The following RBFOX3 variants were observed in gnomAD, a reference collection of about 807,000 sequenced individuals.
RBFOX3 encodes the protein RNA binding fox-1 homolog 3.
Under a neutral mutation model 48.7 loss-of-function variants are expected in RBFOX3, and 17 were observed. The observed-to-expected ratio is 0.35, with a 90% CI of 0.24 to 0.52. The LOEUF (loss-of-function observed/expected upper bound fraction) is 0.52. Among genes scored for constraint, RBFOX3 ranks in the 20% least tolerant of loss-of-function variants. The pLI is 0.94. For synonymous variants in RBFOX3, 212 were observed against 209.5 expected (o/e 1.01, Z -0.10); for missense variants, 382 against 497.5 (o/e 0.77, Z 2.21).
chr17:79,396,955 T>C (rs962745412), intron 2 of RBFOX3, among the ~76,000 whole-genome samples: 2 of 152,120 alleles, frequency 1.3e-5, no homozygotes, highest in Non-Finnish European at 2.9e-5. Context: ...AACGAACCCC[T>C]GTCACAGCGG....
At position 79,252,807 on chromosome 17, in the gene RBFOX3, G is replaced by C. The variant is rs1455441884; in HGVS notation, c.-73-17002C>G. Among the ~76,000 whole-genome samples the C allele has an allele frequency of 6.6e-6, 1 of 152,166 alleles. No homozygotes were observed. The highest frequency in any genetic ancestry group is 6.5e-5 in the Admixed American group (1 of 15,276). On this transcript the variant is annotated intron_variant, in intron 3 of 14. Coordinates refer to ENST00000693108, the MANE Select transcript of RBFOX3 (RefSeq NM_001350451.2). This position sits in a 1 kb window ranked among gnomAD's most constrained non-coding sequence, Gnocchi z 4.0. ...TCCTTTTTGGGTCTTCATGTCCACA[G>C]AGAGTGAGGCGTGGACCCAGGCTTT...
chr17:79,194,287 G>T (rs999682719), intron 4 of RBFOX3, among the ~76,000 whole-genome samples: 1 of 152,200 alleles, frequency 6.6e-6, no homozygotes, highest in South Asian at 2.1e-4. Flanking sequence ...CGAGCAAGGG[G>T]GTTCTGCCAG....
chr17:79,431,566 C>A (rs1330219770), intron 2 of RBFOX3, among the ~76,000 whole-genome samples: 2 of 148,008 alleles, frequency 1.4e-5, no homozygotes, highest in Non-Finnish European at 3.0e-5. Context: ...CTCACTGCAA[C>A]CTCTGCCTCC....
chr17:79,156,865 C>G (rs2045923548), intron 4 of RBFOX3, among the ~76,000 whole-genome samples: 1 of 152,156 alleles, frequency 6.6e-6, no homozygotes, highest in Non-Finnish European at 1.5e-5. Context: ...TCTCAGGAGT[C>G]CCGGGAGGAA....
chr17:79,443,385 T>G lies in RBFOX3; in HGVS notation c.-175+39069A>C, dbSNP rs2071555957. ...ATGCACACTCACATACACCCTTGCC[T>G]CTTTTTTTTTTCTTTTGAGACAGTC... On this transcript the variant is annotated intron_variant, in intron 2 of 14. Coordinates refer to ENST00000693108, the MANE Select transcript of RBFOX3 (RefSeq NM_001350451.2). This position sits in a 1 kb window ranked among gnomAD's most constrained non-coding sequence, Gnocchi z 4.4. Among the ~76,000 whole-genome samples, 1 of 151,166 alleles carries G rather than the reference T, an allele frequency of 6.6e-6. No individual in the cohort carries two copies. Among genetic ancestry groups the G allele is most frequent in the Non-Finnish European group, 1.5e-5 (1 of 67,824 alleles).
intron 2 of RBFOX3, among the ~76,000 whole-genome samples, chr17:79,462,363 G>A (rs2075483270): frequency 6.6e-6 from 1 of 152,300 alleles, no homozygotes; most frequent in Non-Finnish European, 1.5e-5. Flanking sequence ...TCTTCTGTAG[G>A]GTGGAAAGAA....
intron 1 of RBFOX3, among the ~76,000 whole-genome samples, chr17:79,519,773 T>TGA (rs1222280503): frequency 1.3e-5 from 2 of 152,152 alleles, no homozygotes; most frequent in Non-Finnish European, 2.9e-5. Context: ...TCTCCATGAC[T>TGA]GAGACCCAGT....
chr17:79,499,076 G>A (rs143062846), intron 1 of RBFOX3, among the ~76,000 whole-genome samples: 2 of 140,790 alleles, frequency 1.4e-5, no homozygotes, highest in Non-Finnish European at 3.1e-5. Flanking sequence ...ACCCATCCAT[G>A]TACTCACTCA....
At chr17:79,165,696 G>A (rs1368582665) in intron 4 of RBFOX3, among the ~76,000 whole-genome samples, 1 of 152,220 alleles carries the variant, frequency 6.6e-6, no homozygotes, top group African/African-American at 2.4e-5. Context: ...CTTCAGACCT[G>A]CACAAGGGCT....
At chr17:79,431,893 A>T (rs2068529969) in intron 2 of RBFOX3, among the ~76,000 whole-genome samples, 1 of 152,206 alleles carries the variant, frequency 6.6e-6, no homozygotes, top group Non-Finnish European at 1.5e-5. Flanking sequence ...GCCACCTTCC[A>T]TCTCCAGAAT....
chr17:79,255,839 G>A (rs8073791), intron 3 of RBFOX3, among the ~76,000 whole-genome samples: 11,456 of 151,310 alleles, frequency 0.076, 456 homozygotes, highest in South Asian at 0.11. Flanking sequence ...TCCCAGGGAC[G>A]GTGGATGTTG....
chr17:79,541,576 C>A (rs183950778), intron 1 of RBFOX3, among the ~76,000 whole-genome samples: 359 of 152,310 alleles, frequency 2.4e-3, no homozygotes, highest in Admixed American at 8.6e-3. Flanking sequence ...GCGGAAGGGA[C>A]ACGGCTTCTC....
At chr17:79,182,918 G>C (rs1212125983) in intron 4 of RBFOX3, among the ~76,000 whole-genome samples, 2 of 150,248 alleles carry the variant, frequency 1.3e-5, no homozygotes, top group African/African-American at 4.9e-5. Flanking sequence ...CCGGCGCGAA[G>C]TTCCCCAAAG....
At chr17:79,203,052 C>G (rs569008130) in intron 4 of RBFOX3, among the ~76,000 whole-genome samples, 2 of 151,990 alleles carry the variant, frequency 1.3e-5, no homozygotes, top group Admixed American at 1.3e-4. Context: ...TACCTGCATG[C>G]GAGCACTTCT....
intron 6 of RBFOX3, among the ~76,000 whole-genome samples, chr17:79,104,360 G>T (rs1198138835): frequency 6.6e-6 from 1 of 151,892 alleles, no homozygotes; most frequent in Non-Finnish European, 1.5e-5. Context: ...TCACCAAGAG[G>T]GTCCTTGGTG....
At chr17:79,606,212 A>C (rs2093827080) in intron 1 of RBFOX3, among the ~76,000 whole-genome samples, 1 of 152,218 alleles carries the variant, frequency 6.6e-6, no homozygotes, top group Non-Finnish European at 1.5e-5. Context: ...CACGTGTCTT[A>C]CAGGTAAGGG....
intron 1 of RBFOX3, chr17:79,515,999 G>A (rs1254274792): frequency 6.6e-6 from 1 of 152,254 alleles, no homozygotes; most frequent in East Asian, 1.9e-4. Flanking sequence ...ACAGCCTTGA[G>A]TCCAAGGCTC....
chr17:79,129,763 AC>A (rs2038327017), intron 4 of RBFOX3, among the ~76,000 whole-genome samples: 1 of 152,214 alleles, frequency 6.6e-6, no homozygotes, highest in African/African-American at 2.4e-5. Context: ...AAATACTCCC[AC>A]CATTGCTGGT....
At chr17:79,347,397 A>G (rs963577862) in intron 2 of RBFOX3, among the ~76,000 whole-genome samples, 16 of 152,158 alleles carry the variant, frequency 1.1e-4, no homozygotes, top group African/African-American at 3.6e-4. Context: ...TTTAAATCCC[A>G]TTGATTTTAT....
Sources: allele counts gnomAD v4.1 joint callset (sites outside exome capture counted in the v4.1 genomes callset), GRCh38; gene constraint gnomAD v4.1.1; non-coding constraint Gnocchi (gnomAD v3.1); transcripts MANE v1.5; gene names NCBI Gene and HGNC (gene_info 2026-07-23, HGNC 2026-07-21).